Variants in ABCC4 observed in about 807,000 individuals in gnomAD.
ABCC4 encodes ATP binding cassette subfamily C member 4 (PEL blood group).
Under a neutral mutation model 168.5 loss-of-function variants are expected in ABCC4, and 102 were observed. The ratio of observed to expected loss-of-function variants is 0.61; its 90% CI spans 0.52 to 0.71. The LOEUF is 0.71. Ranked by LOEUF, ABCC4 falls within the 30% of genes least tolerant of loss-of-function variation. The pLI is 0.00. For missense variants in ABCC4, 1,402 were observed against 1,605.8 expected (o/e 0.87, Z 2.17); for synonymous variants, 617 against 590.7 (o/e 1.04, Z -0.65).
At chr13:95,064,513 A>ATG (rs3046394) in intron 25 of ABCC4, among the ~76,000 whole-genome samples, 20,539 of 148,604 alleles carry the variant, frequency 0.14, 1,467 homozygotes, top group East Asian at 0.23. Flanking sequence ...GTATGTGTGT[A>ATG]TGTGTGTGTG....
chr13:95,234,284 T>C (rs954541408), intron 4 of ABCC4, among the ~76,000 whole-genome samples: 3 of 152,238 alleles, frequency 2.0e-5, no homozygotes, highest in African/African-American at 7.2e-5. Context: ...TTAGATTTCA[T>C]TATAAATTTA....
chr13:95,068,085 C>G (rs546833811), intron 25 of ABCC4, among the ~76,000 whole-genome samples: 1 of 152,244 alleles, frequency 6.6e-6, no homozygotes, highest in African/African-American at 2.4e-5. Flanking sequence ...GCAGATGAAG[C>G]AATTGAAAGA....
At chr13:95,051,382 A>G (rs2032823228) in intron 27 of ABCC4, among the ~76,000 whole-genome samples, 1 of 152,076 alleles carries the variant, frequency 6.6e-6, no homozygotes, top group Non-Finnish European at 1.5e-5. Flanking sequence ...AACAACAATA[A>G]CAATGGAGGG....
intron 20 of ABCC4, among the ~76,000 whole-genome samples, chr13:95,088,603 T>C (rs574887684): frequency 1.0e-3 from 153 of 152,276 alleles, no homozygotes; most frequent in African/African-American, 3.4e-3. Context: ...TTCAGCAATA[T>C]ATTTCTATAT....
intron 8 of ABCC4, 45 bp from the exon 9 acceptor site, chr13:95,194,982 A>T (rs1389393623): frequency 6.5e-7 from 1 of 1,535,324 alleles, no homozygotes; most frequent in Admixed American, 1.8e-5. Context: ...TTACAGAAAC[A>T]AAAGCACAAA....
intron 1 of ABCC4, among the ~76,000 whole-genome samples, chr13:95,259,824 A>G (rs2040484603): frequency 6.6e-6 from 1 of 151,728 alleles, no homozygotes; most frequent in African/African-American, 2.4e-5. Flanking sequence ...AATTACAGTA[A>G]GATGGGACAT....
At chr13:95,254,070 T>A (rs916008049) in intron 1 of ABCC4, among the ~76,000 whole-genome samples, 1 of 152,036 alleles carries the variant, frequency 6.6e-6, no homozygotes, top group Admixed American at 6.6e-5. Context: ...TTTTTTTAAG[T>A]ATATTTTTGT....
At position 95,180,467 on chromosome 13, in the gene ABCC4, C is replaced by T. The variant is rs142611795; in HGVS notation, c.1546-2376G>A. 2.8e-3 allele frequency among the ~76,000 whole-genome samples: 423 copies of T among 152,112 alleles called. 4 individuals carry two copies. The highest frequency in any genetic ancestry group is 9.7e-3 in the African/African-American group (403 of 41,512). On this transcript the variant is annotated intron_variant, in intron 11 of 30. Transcript: ENST00000645237. ...ACTTGAGAGGCTAAGGCAGGAGAAT[C>T]GCTTGAACCTGGGAGGCAAAGGTTG...
rs182958376 is a variant in ABCC4 at position 95,281,346 on chromosome 13, A to G, written c.74+19895T>C. Among the ~76,000 whole-genome samples, 13 of 151,744 alleles carry G rather than the reference A, an allele frequency of 8.6e-5. No individual in the cohort carries two copies. In the East Asian group the frequency reaches 2.1e-3, roughly 25 times the overall value. On this transcript the variant is annotated intron_variant, in intron 1 of 30. Transcript: ENST00000645237. ...AAAAGAGAGAGAGAAAGTTGAGAGC[A>G]TAAGTCTGAGTGATTCTGCCTGAAA...
intron 1 of ABCC4, among the ~76,000 whole-genome samples, chr13:95,259,105 G>A (rs1361543360): frequency 2.6e-5 from 4 of 151,998 alleles, no homozygotes; most frequent in South Asian, 2.1e-4. Context: ...GCCTTCCCCC[G>A]GCTGGGCATG....
chr13:95,139,831 A>T (rs183164315), intron 19 of ABCC4, among the ~76,000 whole-genome samples: 3 of 152,322 alleles, frequency 2.0e-5, no homozygotes, highest in African/African-American at 7.2e-5. Flanking sequence ...AACAAACTCC[A>T]GTGCTAAAAG....
intron 19 of ABCC4, among the ~76,000 whole-genome samples, chr13:95,155,864 C>T (rs1417380446): frequency 2.0e-5 from 3 of 152,204 alleles, no homozygotes. Flanking sequence ...CATAATTAGG[C>T]ATGAGAAAAC....
At chr13:95,177,918 G>A (rs2037761823) in intron 12 of ABCC4, 79 bp downstream of exon 12, 1 of 1,515,034 alleles carries the variant, frequency 6.6e-7, no homozygotes, top group Non-Finnish European at 9.2e-7. Flanking sequence ...GCAATACACA[G>A]TAAGCAGGTC....
At chr13:95,050,572 A>C (rs1039260914) in intron 27 of ABCC4, among the ~76,000 whole-genome samples, 1 of 152,190 alleles carries the variant, frequency 6.6e-6, no homozygotes, top group Non-Finnish European at 1.5e-5. Flanking sequence ...CACACTGGAA[A>C]TACAATGTTG....
intron 19 of ABCC4, among the ~76,000 whole-genome samples, chr13:95,124,815 C>G (rs1412282030): frequency 6.7e-6 from 1 of 148,996 alleles, no homozygotes; most frequent in Non-Finnish European, 1.5e-5. Flanking sequence ...GAGGCGGAAG[C>G]TGCAGTGAGC....
intron 19 of ABCC4, among the ~76,000 whole-genome samples, chr13:95,140,753 C>T (rs9561790): frequency 6.6e-6 from 1 of 152,194 alleles, no homozygotes; most frequent in East Asian, 1.9e-4. Flanking sequence ...ATTTCTATGG[C>T]TAATTTTTTC....
chr13:95,106,691 C>T (rs2035017858), intron 20 of ABCC4, among the ~76,000 whole-genome samples: 1 of 151,886 alleles, frequency 6.6e-6, no homozygotes, highest in South Asian at 2.1e-4. Context: ...CACACTCAGT[C>T]GATCTGTATT....
intron 15 of ABCC4, among the ~76,000 whole-genome samples, chr13:95,165,739 T>C (rs981930315): frequency 2.7e-4 from 41 of 152,172 alleles, no homozygotes; most frequent in Non-Finnish European, 7.3e-5. Context: ...CATTCCAACA[T>C]ACAGGAAAAG....
intron 8 of ABCC4, among the ~76,000 whole-genome samples, chr13:95,202,630 G>C (rs963662993): frequency 6.8e-6 from 1 of 147,404 alleles, no homozygotes; most frequent in African/African-American, 2.5e-5. Context: ...TGCATGTGGG[G>C]ATAAGAATGT....
Sources: gnomAD v4.1 joint callset for allele counts (sites outside exome capture counted in the v4.1 genomes callset) on GRCh38, gnomAD v4.1.1 for gene constraint, MANE v1.5 for transcripts, NCBI Gene and HGNC (gene_info 2026-07-23, HGNC 2026-07-21) for gene names.